KATNIP: variants seen among roughly 807,000 people sequenced by gnomAD.
KATNIP encodes katanin-interacting protein.
KATNIP carries 126 observed loss-of-function variants against 174.0 expected under a neutral mutation model. That is an observed-to-expected ratio of 0.72 (90% CI 0.63 to 0.84). The LOEUF (loss-of-function observed/expected upper bound fraction) is 0.84, where lower values mean the gene tolerates loss of function less well. Ranked by LOEUF, KATNIP falls within the 40% of genes least tolerant of loss-of-function variation. KATNIP has a pLI of 0.00. For synonymous variants in KATNIP, 810 were observed against 835.7 expected (o/e 0.97, Z 0.53); for missense variants, 1,958 against 2,109.7 (o/e 0.93, Z 1.41).
rs1044195448 is a variant in KATNIP, at chr16:27,706,548, C to A, written c.1390-2157C>A. On this transcript the variant is annotated intron_variant, in intron 12 of 27. Coordinates refer to ENST00000261588, the MANE Select transcript of KATNIP (RefSeq NM_015202.5). Reference sequence around the variant, plus strand: ...CAGGAACTTCCCAGCCAGTGTCCCCCTCCCACCGCCAAGTGGGATCCCAAA... The same window carrying A: ...CAGGAACTTCCCAGCCAGTGTCCCCATCCCACCGCCAAGTGGGATCCCAAA... Among the ~76,000 whole-genome samples the A allele has an allele frequency of 3.3e-5, 5 of 152,350 alleles. No homozygotes were observed. The South Asian group carries it at 1.0e-3, about 32-fold the overall frequency.
In KATNIP at chr16:27,761,168, G is replaced by T. The variant is rs144869459; in HGVS notation, c.3632-245G>T. Reference sequence around the variant, plus strand: ...AGCACAATCTGGTAGGCGGAGGAAGGACTCAGGGCTATGTGCAGGTTTAAC... The same window carrying T: ...AGCACAATCTGGTAGGCGGAGGAAGTACTCAGGGCTATGTGCAGGTTTAAC... On this transcript the variant is annotated intron_variant, in intron 18 of 27. Coordinates refer to ENST00000261588, the MANE Select transcript of KATNIP (RefSeq NM_015202.5). 2.3e-3 allele frequency among the ~76,000 whole-genome samples: 357 copies of T among 152,278 alleles called. 3 individuals carry two copies. Among genetic ancestry groups the T allele is most frequent in the African/African-American group, 7.6e-3 (315 of 41,562 alleles).
At chr16:27,562,530 A>G in intron 1 of KATNIP, among the ~76,000 whole-genome samples, 1 of 152,162 alleles carries the variant, frequency 6.6e-6, no homozygotes, top group East Asian at 1.9e-4. Context: ...TTGGCAGATC[A>G]TTTTTGGGAG....
chr16:27,620,488 G>C (rs1446249088), intron 3 of KATNIP, among the ~76,000 whole-genome samples: 1 of 152,222 alleles, frequency 6.6e-6, no homozygotes, highest in East Asian at 1.9e-4. Flanking sequence ...CTCACAGCCA[G>C]AAAGTGGTGG....
chr16:27,597,949 C>A (rs889402461), intron 2 of KATNIP, among the ~76,000 whole-genome samples: 1 of 152,046 alleles, frequency 6.6e-6, no homozygotes, highest in African/African-American at 2.4e-5. Flanking sequence ...GCATTTGGGC[C>A]GGGCATGGTG....
At position 27,766,319 on chromosome 16, in the gene KATNIP, G is replaced by A; in HGVS notation, c.3820G>A (p.Gly1274Ser). The A allele has an allele frequency of 6.2e-7, 1 of 1,614,106 alleles. No individual in the cohort carries two copies. The highest frequency in any genetic ancestry group is 8.5e-7 in the Non-Finnish European group (1 of 1,180,024). The part of the protein sequence containing the change: ...DSRALDKLID[G>S]TNITMEDEHM... ...TCCCCATTGCTGCAGGTTAATTGATGGCACCAACATCACCATGGAGGATGA... is the reference window on the plus strand; with the variant it reads ...TCCCCATTGCTGCAGGTTAATTGATAGCACCAACATCACCATGGAGGATGA... The change falls in exon 20 of 28, where the codon GGC (glycine) becomes AGC (serine). Residue 1274 changes from glycine to serine, a missense_variant. Physicochemically the swap from Gly to Ser is moderately conservative, Grantham distance 56. Transcript: ENST00000261588.
chr16:27,673,541 C>T (rs915029907), intron 6 of KATNIP, among the ~76,000 whole-genome samples: 5 of 152,192 alleles, frequency 3.3e-5, no homozygotes, highest in South Asian at 2.1e-4. Flanking sequence ...TTGCTTTAAT[C>T]GTTTCTCAGC....
chr16:27,560,161 A>G (rs1163404451), intron 1 of KATNIP, among the ~76,000 whole-genome samples: 1 of 151,322 alleles, frequency 6.6e-6, no homozygotes, highest in Non-Finnish European at 1.5e-5. Flanking sequence ...GGGTGCCTGT[A>G]ATCCCAGCTA....
intron 23 of KATNIP, among the ~76,000 whole-genome samples, chr16:27,773,935 T>A (rs2082401834): frequency 6.6e-6 from 1 of 152,224 alleles, no homozygotes; most frequent in South Asian, 2.1e-4. Context: ...TGTGAGGTGA[T>A]TGCTGCTGTT....
At chr16:27,660,282 C>T (rs762107537) in intron 6 of KATNIP, among the ~76,000 whole-genome samples, 5 of 152,218 alleles carry the variant, frequency 3.3e-5, no homozygotes, top group Non-Finnish European at 7.3e-5. Context: ...CCGGCAGTGG[C>T]TCACGCCTGT....
intron 2 of KATNIP, among the ~76,000 whole-genome samples, chr16:27,591,183 TTC>T (rs1395449568): frequency 6.6e-6 from 1 of 152,078 alleles, no homozygotes; most frequent in Non-Finnish European, 1.5e-5. Context: ...GAGTTGCACT[TTC>T]TTTCTTTTTT....
intron 14 of KATNIP, chr16:27,727,552 G>A (rs1331657262): frequency 6.6e-6 from 1 of 152,334 alleles, no homozygotes; most frequent in East Asian, 1.9e-4. Context: ...GGAGGCTCAA[G>A]GCATAGAACA....
intron 18 of KATNIP, among the ~76,000 whole-genome samples, chr16:27,759,901 G>A (rs1377379652): frequency 2.0e-5 from 3 of 152,196 alleles, no homozygotes; most frequent in South Asian, 2.1e-4. Flanking sequence ...ATGATGCGGC[G>A]AGAAGCCCAT....
intron 6 of KATNIP, among the ~76,000 whole-genome samples, chr16:27,672,116 G>T (rs895005992): frequency 6.6e-6 from 1 of 152,026 alleles, no homozygotes; most frequent in African/African-American, 2.4e-5. Context: ...TCTCTGCCTA[G>T]CACCCTTCAG....
In KATNIP at chr16:27,744,608, C is replaced by A. The variant is rs182796995; in HGVS notation, c.2623+3688C>A. On this transcript the variant is annotated intron_variant, in intron 15 of 27. Transcript: ENST00000261588. ...CTAAAAAAATGAAAATTGGGCTGGG[C>A]ACAGTGGCTGTTGCCTGTAATCCCA... Among the ~76,000 whole-genome samples, 362 of 144,222 alleles carry A rather than the reference C, an allele frequency of 2.5e-3. 3 individuals carry two copies. Among genetic ancestry groups the A allele is most frequent in the African/African-American group, 8.7e-3 (336 of 38,668 alleles). The allele number at this position is 144,222 out of a possible 152,430, so 94.6% of individuals were successfully genotyped here.
At chr16:27,579,821 G>A (rs1244207682) in intron 2 of KATNIP, among the ~76,000 whole-genome samples, 1 of 152,084 alleles carries the variant, frequency 6.6e-6, no homozygotes, top group Non-Finnish European at 1.5e-5. Context: ...CACCCAACTA[G>A]AAAATGTTAA....
Position 27,777,623 on chromosome 16 carries a change from A to G in KATNIP, c.4565A>G (p.Asp1522Gly), listed in dbSNP as rs763186355. The G allele has an allele frequency of 6.2e-7, 1 of 1,610,718 alleles. No homozygotes were observed. The highest frequency in any genetic ancestry group is 1.3e-5 in the African/African-American group (1 of 74,984). ...GVKEFGLLVD[D>G]LLVYNGILAM... ...GTGTCCCTGCAGCTCCTGGTGGACG[A>G]CCTGCTTGTGTACAATGGGATCCTG... Residue 1522 changes from aspartate to glycine, a missense_variant, in exon 26 of 28, where the codon GAC (aspartate) becomes GGC (glycine). Physicochemically the swap from Asp to Gly is moderately conservative, Grantham distance 94. Coordinates refer to ENST00000261588, the MANE Select transcript of KATNIP (RefSeq NM_015202.5). The surrounding 1 kb of genome is among the most constrained non-coding windows in gnomAD (Gnocchi z 4.4).
intron 1 of KATNIP, among the ~76,000 whole-genome samples, chr16:27,570,423 C>G (rs555848878): frequency 2.5e-4 from 38 of 152,046 alleles, no homozygotes; most frequent in African/African-American, 8.7e-4. Flanking sequence ...AAAAATTAGC[C>G]AGGCATGGTG....
chr16:27,677,709 C>G lies in KATNIP; in HGVS notation c.541-20C>G, dbSNP rs920669629. 1 of 1,588,964 alleles carries G rather than the reference C, an allele frequency of 6.3e-7. No homozygotes were observed. The highest frequency in any genetic ancestry group is 8.6e-7 in the Non-Finnish European group (1 of 1,162,144). ...AAGGTACCATATTTATCTCTCATCT[C>G]TCTTCTGGGCTTTTTGCAGGAGCTG... On this transcript the variant is annotated intron_variant, in intron 6 of 27. Transcript: ENST00000261588.
At chr16:27,659,134 A>T (rs2077387593) in intron 6 of KATNIP, among the ~76,000 whole-genome samples, 1 of 152,178 alleles carries the variant, frequency 6.6e-6, no homozygotes, top group South Asian at 2.1e-4. Context: ...TGTTCAGCAT[A>T]GTCTTTTAAG....
Sources: gnomAD v4.1 joint callset for allele counts (sites outside exome capture counted in the v4.1 genomes callset) on GRCh38, gnomAD v4.1.1 for gene constraint, Gnocchi (gnomAD v3.1) non-coding constraint, MANE v1.5 for transcripts, NCBI Gene and HGNC (gene_info 2026-07-23, HGNC 2026-07-21) for gene names.